Variants in MCM3AP observed in about 807,000 individuals in gnomAD.
The protein encoded by MCM3AP is minichromosome maintenance complex component 3 associated protein, also known as germinal-center associated nuclear protein.
A neutral mutation model predicts 184.1 loss-of-function variants in MCM3AP; 126 were observed. The ratio of observed to expected loss-of-function variants is 0.68; its 90% CI spans 0.59 to 0.79. The LOEUF is 0.79. Among genes scored for constraint, MCM3AP ranks in the 30% least tolerant of loss-of-function variants. The probability of loss-of-function intolerance (pLI) is 0.00; values close to 1 mark genes in which losing one functional copy is unlikely to be tolerated. For missense variants in MCM3AP, 2,496 were observed against 2,479.2 expected (o/e 1.01, Z -0.14); for synonymous variants, 1,002 against 979.3 (o/e 1.02, Z -0.43).
At chr21:46,261,080 G>C (rs755617203) in intron 14 of MCM3AP, among the ~76,000 whole-genome samples, 174 bp from the exon 15 acceptor site, 1 of 152,194 alleles carries the variant, frequency 6.6e-6, no homozygotes, top group Admixed American at 6.5e-5. Context: ...TCCTGGCTGG[G>C]AAGGGCCACT....
intron 9 of MCM3AP, 156 bp from the exon 10 acceptor site, chr21:46,267,298 T>TA: frequency 3.1e-6 from 2 of 651,254 alleles, no homozygotes; most frequent in Non-Finnish European, 2.7e-6. Flanking sequence ...AACCCAAGCT[T>TA]AGAGATCATA....
chr21:46,242,317 G>A (rs1221040496), intron 25 of MCM3AP: 2 of 151,652 alleles, frequency 1.3e-5, no homozygotes, highest in Non-Finnish European at 2.9e-5. Flanking sequence ...TATCAAGTTA[G>A]GACTTTTTTT....
intron 20 of MCM3AP, chr21:46,249,683 G>GA (rs1481470504): frequency 2.4e-6 from 1 of 422,404 alleles, no homozygotes; most frequent in Non-Finnish European, 4.7e-6. Context: ...GCTGAACCAA[G>GA]AAAAAATACT....
chr21:46,264,508 T>C (rs1441050404), intron 12 of MCM3AP, among the ~76,000 whole-genome samples: 1 of 152,160 alleles, frequency 6.6e-6, no homozygotes, highest in Non-Finnish European at 1.5e-5. Context: ...AAGCACTCCC[T>C]GATCCCCAGA....
chr21:46,250,834 A>G (rs1020604536), intron 20 of MCM3AP: 4 of 152,270 alleles, frequency 2.6e-5, no homozygotes, highest in Non-Finnish European at 4.4e-5. Context: ...GTTAGGAGTA[A>G]TTAGTTATTT....
intron 19 of MCM3AP, 157 bp downstream of exon 19, chr21:46,254,235 A>G: frequency 2.6e-6 from 2 of 769,346 alleles, no homozygotes; most frequent in Admixed American, 2.9e-5. Context: ...TTCAACTTAA[A>G]ATCATGAGCA....
intron 26 of MCM3AP, among the ~76,000 whole-genome samples, chr21:46,239,073 G>T (rs1384800453): frequency 6.6e-6 from 1 of 152,230 alleles, no homozygotes; most frequent in South Asian, 2.1e-4. Context: ...GGATGCTGGG[G>T]AGAATGGAGG....
chr21:46,273,523 C>G lies in MCM3AP; in HGVS notation c.2061G>C (p.Leu687=). The change falls in exon 7 of 28, where the codon CTG becomes CTC. Residue 687 remains leucine (L), a synonymous_variant. Transcript: ENST00000291688. ...CTGGCAAGGGCCGCAGCTCGTGGGGCAGGGGCTCCTCCTGATCCGCCGAGG... is the reference window on the plus strand; with the variant it reads ...CTGGCAAGGGCCGCAGCTCGTGGGGGAGGGGCTCCTCCTGATCCGCCGAGG... ...SRSSADQEEP[L]PHELRPLPVL... 3 of 1,613,918 alleles carry G rather than the reference C, an allele frequency of 1.9e-6. No individual in the cohort carries two copies. Among genetic ancestry groups the G allele is most frequent in the Non-Finnish European group, 2.5e-6 (3 of 1,179,862 alleles).
At chr21:46,251,483 A>T in intron 20 of MCM3AP, 46 bp downstream of exon 20, 2 of 1,506,258 alleles carry the variant, frequency 1.3e-6, no homozygotes, top group Non-Finnish European at 1.8e-6. Flanking sequence ...GGAGTAAGTG[A>T]AAGTAATGAA....
Position 46,275,102 on chromosome 21 carries a change from A to G in MCM3AP, c.1998+84T>C, listed in dbSNP as rs2081239071. ...ACAAATACCCAACACTGTCTAAAAC[A>G]AACACCCAAATCAAGTATGTACAGA... On this transcript the variant is annotated intron_variant, in intron 6 of 27. Coordinates refer to ENST00000291688, the MANE Select transcript of MCM3AP (RefSeq NM_003906.5). 5.5e-6 allele frequency: 8 copies of G among 1,447,194 alleles called. No individual in the cohort carries two copies. The Admixed American group carries it at 8.3e-5, about 15-fold the overall frequency. 89.6% of individuals were successfully genotyped at this position (1,447,194 alleles called of 1,614,324 possible). A position where few individuals can be genotyped will look rare whatever the true frequency, so the allele number is the denominator to read the frequency against.
chr21:46,236,889 T>C lies in MCM3AP; in HGVS notation c.5724A>G (p.Leu1908=). The C allele has an allele frequency of 6.4e-7, 1 of 1,567,248 alleles. No individual in the cohort carries two copies. Among genetic ancestry groups the C allele is most frequent in the Non-Finnish European group, 8.6e-7 (1 of 1,162,010 alleles). The change falls in exon 27 of 28, where the codon CTA becomes CTG. Residue 1908 remains leucine (L), a synonymous_variant. Transcript: ENST00000291688. The part of the protein sequence containing the change: ...TSLPLYLPQT[L]VSLSHTIEPV... ...GTTCAATAGTGTGAGAAAGAGACACTAGAGTCTGAGGAAGATAGAGGGGAA... is the reference window on the plus strand; with the variant it reads ...GTTCAATAGTGTGAGAAAGAGACACCAGAGTCTGAGGAAGATAGAGGGGAA...
At position 46,274,164 on chromosome 21, in the gene MCM3AP, C is replaced by T. The variant is rs369571583; in HGVS notation, c.1999-579G>A. On this transcript the variant is annotated intron_variant, in intron 6 of 27. Transcript: ENST00000291688. ...ACACGAGTTGCTGGGCTGGGGACCC[C>T]GCACCAGGCGAAGGGTGTATAAAGC... Among the ~76,000 whole-genome samples, 46 of 152,316 alleles carry T rather than the reference C, an allele frequency of 3.0e-4. 1 individual carries two copies. In the East Asian group the frequency reaches 5.0e-3, roughly 17 times the overall value.
At chr21:46,254,325 C>G (rs2080914648) in intron 19 of MCM3AP, 67 bp downstream of exon 19, 1 of 1,590,038 alleles carries the variant, frequency 6.3e-7, no homozygotes. Flanking sequence ...ATACCCGGCC[C>G]TGGCCCACAA....
intron 6 of MCM3AP, among the ~76,000 whole-genome samples, chr21:46,274,941 A>AC (rs1309205362): frequency 2.6e-5 from 2 of 76,386 alleles, no homozygotes; most frequent in Non-Finnish European, 3.6e-5. Flanking sequence ...CCTGTCTCAA[A>AC]AAAAAAAAAA....
At chr21:46,240,659 G>C in intron 26 of MCM3AP, 152 bp downstream of exon 26, 1 of 673,720 alleles carries the variant, frequency 1.5e-6, no homozygotes, top group South Asian at 1.8e-5. Context: ...TCTTCAAAGA[G>C]CTTTTAAATA....
chr21:46,271,830 C>T (rs545684445), intron 8 of MCM3AP, among the ~76,000 whole-genome samples: 12 of 151,930 alleles, frequency 7.9e-5, no homozygotes, highest in South Asian at 6.2e-4. Context: ...TACTGTACTC[C>T]GGCCTGGGCA....
In MCM3AP at chr21:46,270,456, A is replaced by G. The variant is rs560185297; in HGVS notation, c.2573T>C (p.Leu858Pro). Reference protein sequence around the residue: ...NSNNFVRFFKLVQSASYLNAC... With the variant: ...NSNNFVRFFKPVQSASYLNAC... ...GTTCAGGTAAGAAGCTGACTGGACC[A>G]GTTTGAAAAATCTCACAAAATTATT... Residue 858 changes from leucine to proline, a missense_variant, in exon 9 of 28, where the codon CTG (leucine) becomes CCG (proline). Coordinates refer to ENST00000291688, the MANE Select transcript of MCM3AP (RefSeq NM_003906.5). 1 of 1,614,094 alleles carries G rather than the reference A, an allele frequency of 6.2e-7. No individual in the cohort carries two copies. Among genetic ancestry groups the G allele is most frequent in the Non-Finnish European group, 8.5e-7 (1 of 1,179,948 alleles).
chr21:46,283,795 C>T lies in MCM3AP; in HGVS notation c.1263G>A (p.Glu421=), dbSNP rs1382174954. 4 of 1,613,976 alleles carry T rather than the reference C, an allele frequency of 2.5e-6. No homozygotes were observed. In the South Asian group the frequency reaches 3.3e-5, roughly 13 times the overall value. Residue 421 remains glutamate (E), a synonymous_variant, in exon 2 of 28, where the codon GAG becomes GAA. Coordinates refer to ENST00000291688, the MANE Select transcript of MCM3AP (RefSeq NM_003906.5). ...GTPARQSNRS[E]STDSLGGLSP... ...ACAAGCCCCCAAGACTGTCTGTGCTCTCGCTTCTGTTACTCTGACGCGCCG... is the reference window on the plus strand; with the variant it reads ...ACAAGCCCCCAAGACTGTCTGTGCTTTCGCTTCTGTTACTCTGACGCGCCG...
intron 10 of MCM3AP, 89 bp from the exon 11 acceptor site, chr21:46,266,255 T>C (rs2081111089): frequency 7.1e-7 from 1 of 1,412,900 alleles, no homozygotes; most frequent in African/African-American, 1.4e-5. Context: ...TGCAAGCCCC[T>C]TGGGTGTCAC....
Sources: gnomAD v4.1 joint callset for allele counts (sites outside exome capture counted in the v4.1 genomes callset) on GRCh38, gnomAD v4.1.1 for gene constraint, MANE v1.5 for transcripts, NCBI Gene and HGNC (gene_info 2026-07-23, HGNC 2026-07-21) for gene names.